The following ATP6AP2 variants were observed in gnomAD, a reference collection of about 807,000 sequenced individuals.
ATP6AP2 encodes the protein ATPase H+ transporting accessory protein 2.
A neutral mutation model predicts 23.4 loss-of-function variants in ATP6AP2; 1 was observed. The observed-to-expected ratio is 0.04, with a 90% CI of 0.02 to 0.20. ATP6AP2 has a LOEUF of 0.20. Ranked by LOEUF, ATP6AP2 falls within the 10% of genes least tolerant of loss-of-function variation. The probability of loss-of-function intolerance (pLI) is 1.00; values close to 1 mark genes in which losing one functional copy is unlikely to be tolerated. For synonymous variants in ATP6AP2, 90 were observed against 97.1 expected, an observed-to-expected ratio of 0.93 and a Z score of 0.43; for missense variants, 174 against 271.3, an observed-to-expected ratio of 0.64 and a Z score of 2.52.
rs962918686 is a variant in ATP6AP2, at chrX:40,591,625, G to A, written c.300+260G>A. On this transcript the variant is annotated intron_variant, in intron 3 of 8. Coordinates refer to ENST00000636580, the MANE Select transcript of ATP6AP2 (RefSeq NM_005765.3). ...ATTGCCCCACTCAGAATAGCCAGAGGCTTGAAAAAGAGAGCCACTAAAGGA... is the reference window on the plus strand; with the variant it reads ...ATTGCCCCACTCAGAATAGCCAGAGACTTGAAAAAGAGAGCCACTAAAGGA... 3 of 315,134 alleles carry A rather than the reference G, an allele frequency of 9.5e-6. No individual in the cohort carries two copies. The Admixed American group carries it at 1.5e-4, about 16-fold the overall frequency. The allele number at this position is 315,134 out of a possible 1,213,427, so 26.0% of individuals were successfully genotyped here. A position where few individuals can be genotyped will look rare whatever the true frequency, so the allele number is the denominator to read the frequency against.
chrX:40,600,978 G>A, intron 8 of ATP6AP2, 97 bp downstream of exon 8: 1 of 886,255 alleles, frequency 1.1e-6, no homozygotes, highest in Non-Finnish European at 1.6e-6. Context: ...TGACATGAAT[G>A]AGCAGTCAGT....
At chrX:40,596,723 C>G (rs1285847340) in intron 3 of ATP6AP2, among the ~76,000 whole-genome samples, 1 of 111,940 alleles carries the variant, frequency 8.9e-6, no homozygotes, top group Admixed American at 9.5e-5. Context: ...CTTCAAAAAC[C>G]TTGTGACATA....
chrX:40,593,381 T>C (rs761632294), intron 3 of ATP6AP2, among the ~76,000 whole-genome samples: 20 of 112,332 alleles, frequency 1.8e-4, no homozygotes, highest in Non-Finnish European at 3.8e-4. Context: ...TATTTGTCCT[T>C]CTATGCCTGG....
chrX:40,591,605 C>T (rs1435946159), intron 3 of ATP6AP2: 8 of 359,061 alleles, frequency 2.2e-5, no homozygotes, highest in Non-Finnish European at 3.4e-5. Context: ...GAGAAATTGC[C>T]CCACTCAGAA....
intron 2 of ATP6AP2, chrX:40,589,811 TG>T (rs765501748): frequency 1.8e-5 from 2 of 111,531 alleles, no homozygotes; most frequent in Non-Finnish European, 3.8e-5. Context: ...GCTTGCTCGG[TG>T]CTATCATCTC....
rs187251059 is a variant in ATP6AP2 at position 40,605,960 on chromosome X, T to C, written c.*205T>C. On this transcript the variant is annotated 3_prime_UTR_variant, in exon 9 of 9. Coordinates refer to ENST00000636580, the MANE Select transcript of ATP6AP2 (RefSeq NM_005765.3). Reference sequence around the variant, plus strand: ...GAATCCCACTGTGGTATAGATTCCATAATATGCTTGAATATTATGATATAG... The same window carrying C: ...GAATCCCACTGTGGTATAGATTCCACAATATGCTTGAATATTATGATATAG... 8.4e-4 allele frequency: 331 copies of C among 393,052 alleles called. No individual in the cohort carries two copies. The highest frequency in any genetic ancestry group is 4.4e-4 in the Non-Finnish European group (102 of 229,225). The allele number at this position is 393,052 out of a possible 1,213,427, so 32.4% of individuals were successfully genotyped here. A position where few individuals can be genotyped will look rare whatever the true frequency, so the allele number is the denominator to read the frequency against.
chrX:40,586,823 T>A (rs1926485673), intron 1 of ATP6AP2, among the ~76,000 whole-genome samples: 1 of 112,100 alleles, frequency 8.9e-6, no homozygotes, highest in Non-Finnish European at 1.9e-5. Flanking sequence ...TTTCTAAAGC[T>A]CTGGGCTTCT....
intron 3 of ATP6AP2, chrX:40,592,390 C>T (rs1926656148): frequency 8.9e-6 from 1 of 111,753 alleles, no homozygotes; most frequent in Non-Finnish European, 1.9e-5. Context: ...CATGGTGGCT[C>T]ACGCCTGTAA....
intron 3 of ATP6AP2, chrX:40,591,732 G>A (rs1017869925): frequency 8.9e-5 from 20 of 225,531 alleles, no homozygotes; most frequent in African/African-American, 4.4e-4. Flanking sequence ...ACCTCTTTTC[G>A]TGTGTAAGGA....
intron 3 of ATP6AP2, chrX:40,595,811 G>A (rs1926762751): frequency 8.9e-6 from 1 of 112,025 alleles, no homozygotes; most frequent in African/African-American, 3.2e-5. Flanking sequence ...AGAATTTGGG[G>A]AAGAGTTAAT....
chrX:40,598,104 C>CGG, intron 5 of ATP6AP2: 1 of 164,319 alleles, frequency 6.1e-6, no homozygotes, highest in Non-Finnish European at 1.2e-5. Flanking sequence ...ACTTGGAAGC[C>CGG]ATTGTTCACT....
intron 1 of ATP6AP2, among the ~76,000 whole-genome samples, chrX:40,582,497 T>C (rs1926355498): frequency 8.9e-6 from 1 of 111,838 alleles, no homozygotes; most frequent in Admixed American, 9.5e-5. Flanking sequence ...GCTTGTGGAA[T>C]GGCGATTTAA....
rs145166517 is a variant in ATP6AP2, at chrX:40,586,275, A to G, written c.38-2711A>G. Among the ~76,000 whole-genome samples the G allele has an allele frequency of 9.8e-3, 1,094 of 111,622 alleles. 13 individuals are homozygous for G. Among genetic ancestry groups the G allele is most frequent in the African/African-American group, 0.034 (1,039 of 30,716 alleles). On this transcript the variant is annotated intron_variant, in intron 1 of 8. Transcript: ENST00000636580. ...CATCTTTTGATGGCTATTACCATATAGCCACCTCACTCCTGATGTGTTGTC... is the reference window on the plus strand; with the variant it reads ...CATCTTTTGATGGCTATTACCATATGGCCACCTCACTCCTGATGTGTTGTC...
intron 3 of ATP6AP2, among the ~76,000 whole-genome samples, chrX:40,593,146 C>T (rs1025930309): frequency 4.5e-5 from 5 of 110,715 alleles, no homozygotes; most frequent in Non-Finnish European, 7.6e-5. Flanking sequence ...TACTCAGTGG[C>T]TGAGGCACGA....
intron 8 of ATP6AP2, 148 bp from the exon 9 acceptor site, chrX:40,605,413 T>G: frequency 1.9e-6 from 1 of 519,568 alleles, no homozygotes; most frequent in Admixed American, 3.2e-5. Context: ...ACAAAGGCGC[T>G]CCTTCTTGCT....
At chrX:40,592,103 C>T (rs1287941811) in intron 3 of ATP6AP2, 1 of 112,721 alleles carries the variant, frequency 8.9e-6, no homozygotes, top group Non-Finnish European at 1.9e-5. Flanking sequence ...CAAAGAGTCC[C>T]CTGAGATAAA....
intron 8 of ATP6AP2, among the ~76,000 whole-genome samples, chrX:40,601,628 G>C (rs1442378439): frequency 1.8e-5 from 2 of 111,728 alleles, no homozygotes; most frequent in African/African-American, 6.5e-5. Flanking sequence ...AGGGTGATGG[G>C]AAAGAGTAGT....
chrX:40,601,112 A>G (rs1926894312), intron 8 of ATP6AP2, among the ~76,000 whole-genome samples: 2 of 111,918 alleles, frequency 1.8e-5, no homozygotes, highest in Admixed American at 9.5e-5. Flanking sequence ...AATTAGGGAT[A>G]AAAGTAAATC....
rs934721048 is a variant in ATP6AP2, at chrX:40,586,099, T to C, written c.38-2887T>C. Among the ~76,000 whole-genome samples the C allele has an allele frequency of 2.7e-5, 3 of 111,188 alleles. No homozygotes were observed. The Admixed American group carries it at 2.9e-4, about 11-fold the overall frequency. ...AAGGGCCAGTGGAGAGGGAAAAAAC[T>C]GGTGGTTTGAAGTGTGACTTCATTC... On this transcript the variant is annotated intron_variant, in intron 1 of 8. Transcript: ENST00000636580.
Sources: allele counts gnomAD v4.1 joint callset (sites outside exome capture counted in the v4.1 genomes callset), GRCh38; gene constraint gnomAD v4.1.1; transcripts MANE v1.5; gene names NCBI Gene and HGNC (gene_info 2026-07-23, HGNC 2026-07-21).